Variants in UNC79 observed in about 807,000 individuals in gnomAD.
UNC79 encodes protein unc-79 homolog.
UNC79 carries 37 observed loss-of-function variants against 283.1 expected under a neutral mutation model. The ratio of observed to expected loss-of-function variants is 0.13; its 90% CI spans 0.10 to 0.17. UNC79 has a LOEUF of 0.17. UNC79 is among the 10% of genes least tolerant of loss of function. The probability of loss-of-function intolerance (pLI) is 1.00; values close to 1 mark genes in which losing one functional copy is unlikely to be tolerated. For synonymous variants in UNC79, 1,107 were observed against 1,200.2 expected, an observed-to-expected ratio of 0.92 and a Z score of 1.61; for missense variants, 2,272 against 3,211.1, an observed-to-expected ratio of 0.71 and a Z score of 7.07.
At chr14:93,461,821 G>T (rs1366926978) in intron 1 of UNC79, among the ~76,000 whole-genome samples, 1 of 152,084 alleles carries the variant, frequency 6.6e-6, no homozygotes, top group Non-Finnish European at 1.5e-5. Flanking sequence ...AATCATTTTG[G>T]ACAAGGAAGT....
intron 1 of UNC79, among the ~76,000 whole-genome samples, chr14:93,378,651 T>C (rs578216174): frequency 6.6e-6 from 1 of 152,320 alleles, no homozygotes; most frequent in Admixed American, 6.5e-5. Flanking sequence ...GAAACAAAAT[T>C]GTAGCTCTAT....
chr14:93,623,665 C>T lies in UNC79; in HGVS notation c.5608+824C>T, dbSNP rs530037868. ...ATCCCAGCATTTTGGGAGGCTGAGG[C>T]GGGCAGATCATGAGATCAAGAGATC... On this transcript the variant is annotated intron_variant, in intron 30 of 48. Transcript: ENST00000555664. Among the ~76,000 whole-genome samples the T allele has an allele frequency of 3.2e-4, 49 of 152,248 alleles. No homozygotes were observed. The East Asian group carries it at 3.9e-3, about 12-fold the overall frequency.
At chr14:93,683,754 A>C (rs77458012) in intron 42 of UNC79, among the ~76,000 whole-genome samples, 265 of 152,288 alleles carry the variant, frequency 1.7e-3, no homozygotes, top group Non-Finnish European at 3.0e-3. Context: ...CTCTGATAGC[A>C]ATCAATGAAT....
intron 1 of UNC79, among the ~76,000 whole-genome samples, chr14:93,337,468 T>C (rs1271817976): frequency 6.6e-6 from 1 of 152,192 alleles, no homozygotes; most frequent in Non-Finnish European, 1.5e-5. Context: ...TCCCAGACTG[T>C]AGGAGTGAAG....
Position 93,690,766 on chromosome 14 carries a change from G to C in UNC79, c.7272+463G>C. 1 of 161,154 alleles carries C rather than the reference G, an allele frequency of 6.2e-6. No individual in the cohort carries two copies. Among genetic ancestry groups the C allele is most frequent in the Admixed American group, 6.1e-5 (1 of 16,496 alleles). 10.0% of individuals were successfully genotyped at this position (161,154 alleles called of 1,614,324 possible). A position where few individuals can be genotyped will look rare whatever the true frequency, so the allele number is the denominator to read the frequency against. On this transcript the variant is annotated intron_variant, in intron 45 of 48. Coordinates refer to ENST00000555664, the Ensembl canonical transcript of UNC79. This position sits in a 1 kb window ranked among gnomAD's most constrained non-coding sequence, Gnocchi z 4.3. Reference sequence around the variant, plus strand: ...GAAGGCCAGTTGGGAACTCACTAAAGCACACATTGGCATGACCTACACAGG... The same window carrying C: ...GAAGGCCAGTTGGGAACTCACTAAACCACACATTGGCATGACCTACACAGG...
chr14:93,699,035 T>C (rs189001138), intron 47 of UNC79, among the ~76,000 whole-genome samples: 1 of 152,338 alleles, frequency 6.6e-6, no homozygotes, highest in African/African-American at 2.4e-5. Context: ...GTACATATTT[T>C]TTCATCTTTT....
intron 38 of UNC79, among the ~76,000 whole-genome samples, chr14:93,658,307 C>T (rs2071172738): frequency 6.6e-6 from 1 of 152,172 alleles, no homozygotes; most frequent in African/African-American, 2.4e-5. Flanking sequence ...TGCTAAAACA[C>T]AACTTACTGG....
intron 38 of UNC79, among the ~76,000 whole-genome samples, chr14:93,656,143 C>A (rs2070903599): frequency 6.6e-6 from 1 of 152,206 alleles, no homozygotes; most frequent in African/African-American, 2.4e-5. Context: ...ATTTCACTAG[C>A]AGACTCTTCT....
chr14:93,503,524 T>A (rs2059393508), intron 7 of UNC79, among the ~76,000 whole-genome samples: 1 of 152,116 alleles, frequency 6.6e-6, no homozygotes, highest in Admixed American at 6.6e-5. Flanking sequence ...TAATAGTGTA[T>A]GAGAGTTCTT....
In UNC79 at chr14:93,640,462, T is replaced by C. The variant is rs543983801; in HGVS notation, c.5801-683T>C. Among the ~76,000 whole-genome samples, 35 of 152,150 alleles carry C rather than the reference T, an allele frequency of 2.3e-4. 1 individual carries two copies. In the South Asian group the frequency reaches 7.1e-3, roughly 31 times the overall value. On this transcript the variant is annotated intron_variant, in intron 32 of 48. Transcript: ENST00000555664. ...CAGGTAACAAGGTGAGACCTTGTCT[T>C]TACAAAAACTTAAAAATTAGCCAGG...
chr14:93,376,030 CTCA>C (rs2054551885), intron 1 of UNC79, among the ~76,000 whole-genome samples: 1 of 152,194 alleles, frequency 6.6e-6, no homozygotes, highest in Admixed American at 6.5e-5. Context: ...CAAGAAGGCT[CTCA>C]CCAGTTGTGA....
intron 41 of UNC79, among the ~76,000 whole-genome samples, chr14:93,676,613 A>G (rs570086099): frequency 2.6e-5 from 4 of 152,320 alleles, no homozygotes; most frequent in South Asian, 2.1e-4. Context: ...TGAGCAGAGC[A>G]GATCTGTGTG....
At chr14:93,441,201 A>G (rs949483395) in intron 1 of UNC79, among the ~76,000 whole-genome samples, 4 of 152,064 alleles carry the variant, frequency 2.6e-5, no homozygotes, top group African/African-American at 9.7e-5. Context: ...ATCTATTTTA[A>G]TGCTTTCTGG....
chr14:93,333,507 G>A (rs2053501902), exon 1 of UNC79: 1 of 398,504 alleles, frequency 2.5e-6, no homozygotes, highest in Non-Finnish European at 4.4e-6. Flanking sequence ...CTTCTTGGCA[G>A]TGAGCACTTG....
chr14:93,615,324 G>A (rs747504430), intron 27 of UNC79, among the ~76,000 whole-genome samples: 5 of 152,058 alleles, frequency 3.3e-5, no homozygotes, highest in African/African-American at 4.8e-5. Context: ...ATAACTGGAT[G>A]GATCACCGCT....
At chr14:93,419,430 G>A (rs919295241) in intron 1 of UNC79, among the ~76,000 whole-genome samples, 1 of 151,384 alleles carries the variant, frequency 6.6e-6, no homozygotes, top group African/African-American at 2.4e-5. Flanking sequence ...GCCTCCCAAA[G>A]TGCTGGGATT....
chr14:93,373,001 A>G (rs1235036822), intron 1 of UNC79, among the ~76,000 whole-genome samples: 1 of 152,244 alleles, frequency 6.6e-6, no homozygotes, highest in African/African-American at 2.4e-5. Context: ...CCAGAATACA[A>G]TAACAGAAAG....
intron 7 of UNC79, among the ~76,000 whole-genome samples, chr14:93,518,480 T>C (rs573362748): frequency 9.1e-6 from 1 of 109,902 alleles, no homozygotes; most frequent in East Asian, 2.1e-4. Context: ...GCCTATCAAG[T>C]TTTTGGGACT....
At chr14:93,357,775 G>GGATATATATATA (rs1566889850) in intron 1 of UNC79, among the ~76,000 whole-genome samples, 2 of 78,748 alleles carry the variant, frequency 2.5e-5, no homozygotes, top group African/African-American at 1.6e-4. Flanking sequence ...ATATGGATAT[G>GGATATATATATA]TGGATATATG....
Sources: gnomAD v4.1 joint callset for allele counts (sites outside exome capture counted in the v4.1 genomes callset) on GRCh38, gnomAD v4.1.1 for gene constraint, Gnocchi (gnomAD v3.1) non-coding constraint, MANE v1.5 for transcripts, NCBI Gene and HGNC (gene_info 2026-07-23, HGNC 2026-07-21) for gene names.